Variants in ADGRG6 observed in about 807,000 individuals in gnomAD.
ADGRG6 encodes G-protein coupled receptor 126.
A neutral mutation model predicts 142.4 loss-of-function variants in ADGRG6; 84 were observed. The observed-to-expected ratio is 0.59, with a 90% CI of 0.49 to 0.71. The LOEUF is 0.71. Among genes scored for constraint, ADGRG6 ranks in the 30% least tolerant of loss-of-function variants. The pLI, the probability that ADGRG6 is intolerant of heterozygous loss-of-function variation, is 0.00. For missense variants in ADGRG6, 1,367 were observed against 1,466.6 expected, an observed-to-expected ratio of 0.93 and a Z score of 1.11; for synonymous variants, 521 against 520.5, an observed-to-expected ratio of 1.00 and a Z score of -0.01.
intron 24 of ADGRG6, among the ~76,000 whole-genome samples, chr6:142,439,440 T>C (rs1777637880): frequency 1.3e-5 from 2 of 152,226 alleles, no homozygotes. Flanking sequence ...GTGTGTGATG[T>C]GTCTGTAATT....
chr6:142,416,829 G>A (rs1468877581), intron 20 of ADGRG6, among the ~76,000 whole-genome samples: 2 of 152,092 alleles, frequency 1.3e-5, no homozygotes, highest in African/African-American at 4.8e-5. Context: ...AGACTTTATA[G>A]CCCCCTTGCT....
intron 2 of ADGRG6, among the ~76,000 whole-genome samples, chr6:142,357,860 G>C (rs1780529150): frequency 6.6e-6 from 1 of 152,140 alleles, no homozygotes; most frequent in Non-Finnish European, 1.5e-5. Flanking sequence ...GGAAGTAGGG[G>C]CTCAGTAAGT....
intron 2 of ADGRG6, among the ~76,000 whole-genome samples, chr6:142,333,956 T>C (rs772713592): frequency 6.6e-6 from 1 of 152,194 alleles, no homozygotes; most frequent in African/African-American, 2.4e-5. Context: ...TTAATTCAAA[T>C]ATATTTTGGT....
In ADGRG6 at chr6:142,341,192, G is replaced by A. The variant is rs911392009; in HGVS notation, c.104-26377G>A. Among the ~76,000 whole-genome samples, 14 of 150,460 alleles carry A rather than the reference G, an allele frequency of 9.3e-5. No individual in the cohort carries two copies. The East Asian group carries it at 1.8e-3, about 19-fold the overall frequency. ...GTGATGGGGAGCAGTAAATGAAGTCGTTAAGAGAAGAGGTTCTGGAGCTGT... is the reference window on the plus strand; with the variant it reads ...GTGATGGGGAGCAGTAAATGAAGTCATTAAGAGAAGAGGTTCTGGAGCTGT... On this transcript the variant is annotated intron_variant, in intron 2 of 24. Transcript: ENST00000367609.
chr6:142,365,662 C>T (rs1188516398), intron 2 of ADGRG6, among the ~76,000 whole-genome samples: 3 of 152,122 alleles, frequency 2.0e-5, no homozygotes, highest in African/African-American at 7.2e-5. Context: ...TGTCTTCGGT[C>T]TTGTACAAGA....
intron 22 of ADGRG6, among the ~76,000 whole-genome samples, chr6:142,420,570 T>A (rs1183134450): frequency 6.6e-6 from 1 of 152,182 alleles, no homozygotes; most frequent in Non-Finnish European, 1.5e-5. Flanking sequence ...CAGTTCACCT[T>A]GATTTTTTGG....
In ADGRG6 at chr6:142,411,458, A is replaced by G; in HGVS notation, c.2541+47A>G. On this transcript the variant is annotated intron_variant, in intron 18 of 24. Coordinates refer to ENST00000367609, the MANE Select transcript of ADGRG6 (RefSeq NM_198569.3). ...TCATTTTGACATGCTGTAACTTTGG[A>G]TGGCATACTCCTTTTTTGTATGTAT... 3 of 902,036 alleles carry G rather than the reference A, an allele frequency of 3.3e-6. No homozygotes were observed. The South Asian group carries it at 3.9e-5, about 12-fold the overall frequency. 55.9% of individuals were successfully genotyped at this position (902,036 alleles called of 1,614,324 possible).
chr6:142,341,531 ATATATAG>A (rs1323270716), intron 2 of ADGRG6, among the ~76,000 whole-genome samples: 4 of 119,874 alleles, frequency 3.3e-5, no homozygotes, highest in East Asian at 2.1e-4. Context: ...ATTATATAGT[ATATATAG>A]TATATAATAT....
rs531892203 is a variant in ADGRG6, at chr6:142,302,077, C to T, written c.-253C>T. The T allele has an allele frequency of 1.1e-5, 6 of 534,002 alleles. No individual in the cohort carries two copies. In the South Asian group the frequency reaches 1.4e-4, roughly 13 times the overall value. The allele number at this position is 534,002 out of a possible 1,614,324, so 33.1% of individuals were successfully genotyped here. A position where few individuals can be genotyped will look rare whatever the true frequency, so the allele number is the denominator to read the frequency against. Reference sequence around the variant, plus strand: ...TTCTCGCCCTCACCCTGCCAACTTCCCTGCGAGGAGGGACCTGCCGCCAGC... The same window carrying T: ...TTCTCGCCCTCACCCTGCCAACTTCTCTGCGAGGAGGGACCTGCCGCCAGC... On this transcript the variant is annotated 5_prime_UTR_variant, in exon 1 of 25. Transcript: ENST00000367609.
At chr6:142,404,037 A>C in intron 14 of ADGRG6, 64 bp downstream of exon 14, 1 of 1,222,738 alleles carries the variant, frequency 8.2e-7, no homozygotes, top group Non-Finnish European at 1.2e-6. Flanking sequence ...CTTGCTGATC[A>C]CTTAGCAGTT....
chr6:142,304,460 CAT>C (rs1283550685), intron 1 of ADGRG6, among the ~76,000 whole-genome samples: 3 of 152,114 alleles, frequency 2.0e-5, no homozygotes, highest in African/African-American at 7.2e-5. Context: ...AATTACATGA[CAT>C]TGTGCTTTTT....
At chr6:142,402,285 A>G (rs2115017735) in intron 12 of ADGRG6, among the ~76,000 whole-genome samples, 1 of 152,262 alleles carries the variant, frequency 6.6e-6, no homozygotes, top group South Asian at 2.1e-4. Flanking sequence ...GACAAAACTA[A>G]TATATAAATT....
intron 13 of ADGRG6, among the ~76,000 whole-genome samples, chr6:142,403,566 A>G (rs1775645768): frequency 6.6e-6 from 1 of 152,172 alleles, no homozygotes; most frequent in African/African-American, 2.4e-5. Flanking sequence ...AGGATGATTT[A>G]ATTGTTAATT....
At position 142,302,196 on chromosome 6, in the gene ADGRG6, C is replaced by T; in HGVS notation, c.-134C>T. The T allele has an allele frequency of 1.0e-6, 1 of 960,572 alleles. No homozygotes were observed. Among genetic ancestry groups the T allele is most frequent in the Non-Finnish European group, 1.5e-6 (1 of 646,318 alleles). 59.5% of individuals were successfully genotyped at this position (960,572 alleles called of 1,614,324 possible). On this transcript the variant is annotated 5_prime_UTR_variant, in exon 1 of 25. Coordinates refer to ENST00000367609, the MANE Select transcript of ADGRG6 (RefSeq NM_198569.3). ...AAGCCCATGAACTCTCCAGAAACGG[C>T]GTAAAGGAGGGTCCCGCCGCGGCGC...
Position 142,425,632 on chromosome 6 carries a change from T to G in ADGRG6, c.3319+5528T>G, listed in dbSNP as rs1776900445. On this transcript the variant is annotated intron_variant, in intron 22 of 24. Transcript: ENST00000367609. ...CACCTTAAAGTCAGCAGGGTCACCA[T>G]GTAATGTTATGGAGGCGGGATGTGT... 2.0e-5 allele frequency among the ~76,000 whole-genome samples: 3 copies of G among 152,306 alleles called. No homozygotes were observed. The South Asian group carries it at 6.2e-4, about 32-fold the overall frequency.
At chr6:142,309,965 C>A (rs767550757) in intron 2 of ADGRG6, among the ~76,000 whole-genome samples, 4 of 151,744 alleles carry the variant, frequency 2.6e-5, no homozygotes, top group Non-Finnish European at 5.9e-5. Flanking sequence ...GTAGCTGTTT[C>A]TTCTACTGTT....
chr6:142,366,045 G>A (rs1428872753), intron 2 of ADGRG6, among the ~76,000 whole-genome samples: 2 of 152,018 alleles, frequency 1.3e-5, no homozygotes, highest in African/African-American at 4.8e-5. Context: ...TGAGATTACT[G>A]CCTTCATTTA....
intron 10 of ADGRG6, 119 bp from the exon 11 acceptor site, chr6:142,400,366 A>T: frequency 1.7e-6 from 1 of 580,590 alleles, no homozygotes; most frequent in South Asian, 2.4e-5. Context: ...ATATTTTGGT[A>T]TTACATTAAA....
chr6:142,384,437 T>C (rs1410501691), intron 6 of ADGRG6, among the ~76,000 whole-genome samples: 1 of 152,164 alleles, frequency 6.6e-6, no homozygotes, highest in Non-Finnish European at 1.5e-5. Flanking sequence ...TCTCCAAATA[T>C]ACTTTTCTAT....
Sources: allele counts gnomAD v4.1 joint callset (sites outside exome capture counted in the v4.1 genomes callset), GRCh38; gene constraint gnomAD v4.1.1; transcripts MANE v1.5; gene names NCBI Gene and HGNC (gene_info 2026-07-23, HGNC 2026-07-21).